The following PRSS23 variants were observed in gnomAD, a reference collection of about 807,000 sequenced individuals.
The protein encoded by PRSS23 is protease, serine 23.
PRSS23 carries 25 observed loss-of-function variants against 34.7 expected under a neutral mutation model. The ratio of observed to expected loss-of-function variants is 0.72; its 90% CI spans 0.53 to 1.01. The LOEUF is 1.01. Ranked by LOEUF, PRSS23 falls within the 50% of genes least tolerant of loss-of-function variation. The pLI is 0.00. For synonymous variants in PRSS23, 176 were observed against 186.6 expected, an observed-to-expected ratio of 0.94 and a Z score of 0.46; for missense variants, 445 against 475.6, an observed-to-expected ratio of 0.94 and a Z score of 0.60.
At chr11:86,914,747 A>C (rs1435733896) in intron 2 of PRSS23, among the ~76,000 whole-genome samples, 1 of 152,226 alleles carries the variant, frequency 6.6e-6, no homozygotes, top group African/African-American at 2.4e-5. Flanking sequence ...TCTGATTTGA[A>C]TGTGTTAAGT....
exon 3 of PRSS23, chr11:86,952,445 G>T: frequency 6.2e-7 from 1 of 1,613,508 alleles, no homozygotes; most frequent in South Asian, 1.1e-5. Context: ...TGTGCACATT[G>T]GCACATAAAC....
chr11:86,830,089 C>A (rs1307328307), intron 2 of PRSS23, among the ~76,000 whole-genome samples: 6 of 152,330 alleles, frequency 3.9e-5, no homozygotes, highest in Non-Finnish European at 1.5e-5. Flanking sequence ...GCCCTGCCCC[C>A]AGAGGTGGAG....
chr11:86,821,356 T>C, intron 1 of PRSS23: 1 of 856,132 alleles, frequency 1.2e-6, no homozygotes, highest in Non-Finnish European at 1.9e-6. Context: ...GGTATAGTGA[T>C]CCTAGTTTTG....
At position 86,873,372 on chromosome 11, in the gene PRSS23, A is replaced by C. The variant is rs374013949; in HGVS notation, c.206+49779A>C. ...CAGTGGTGCAATCTCAGCTCAATACAACTTCTGCCTCCCAGGTTCAAGTGA... is the reference window on the plus strand; with the variant it reads ...CAGTGGTGCAATCTCAGCTCAATACCACTTCTGCCTCCCAGGTTCAAGTGA... On this transcript the variant is annotated intron_variant, in intron 2 of 2. Transcript: ENST00000533902. 7.7e-4 allele frequency among the ~76,000 whole-genome samples: 117 copies of C among 151,506 alleles called. 3 individuals are homozygous for C. The highest frequency in any genetic ancestry group is 2.6e-3 in the African/African-American group (106 of 41,238).
intron 2 of PRSS23, among the ~76,000 whole-genome samples, chr11:86,879,609 G>A (rs562438959): frequency 3.3e-4 from 40 of 122,886 alleles, no homozygotes; most frequent in Admixed American, 1.6e-3. Flanking sequence ...GCCTCTGCCC[G>A]GCCGCCCCTA....
At chr11:86,882,514 C>T (rs1041649943) in intron 2 of PRSS23, among the ~76,000 whole-genome samples, 6 of 152,082 alleles carry the variant, frequency 3.9e-5, no homozygotes, top group Non-Finnish European at 8.8e-5. Context: ...CAGCTCCATC[C>T]ATGTCCCTAC....
intron 2 of PRSS23, among the ~76,000 whole-genome samples, chr11:86,888,302 C>T (rs969265360): frequency 6.6e-6 from 1 of 152,124 alleles, no homozygotes; most frequent in African/African-American, 2.4e-5. Flanking sequence ...GAAGAAAGAA[C>T]ACATGCTATT....
chr11:86,898,042 A>C (rs1485083292), intron 2 of PRSS23, among the ~76,000 whole-genome samples: 2 of 152,224 alleles, frequency 1.3e-5, no homozygotes, highest in Admixed American at 1.3e-4. Context: ...CATTCCCCAC[A>C]GATTACTTGA....
At chr11:86,826,568 G>T (rs1948302725) in intron 2 of PRSS23, among the ~76,000 whole-genome samples, 1 of 152,120 alleles carries the variant, frequency 6.6e-6, no homozygotes, top group Admixed American at 6.6e-5. Flanking sequence ...CCTGTCTTGT[G>T]CCAGTTTTCA....
rs185376332 is a variant in PRSS23, at chr11:86,827,617, T to C, written c.206+4024T>C. Among the ~76,000 whole-genome samples the C allele has an allele frequency of 9.0e-3, 1,378 of 152,320 alleles. 14 individuals carry two copies. Among genetic ancestry groups the C allele is most frequent in the African/African-American group, 0.032 (1,334 of 41,576 alleles). ...TCAATTTTGGATCTTTCCTGCTTTCTCTTGTGGGCATTTAGTGCTATAAAT... is the reference window on the plus strand; with the variant it reads ...TCAATTTTGGATCTTTCCTGCTTTCCCTTGTGGGCATTTAGTGCTATAAAT... On this transcript the variant is annotated intron_variant, in intron 2 of 2. Transcript: ENST00000533902.
At chr11:86,870,887 CA>C (rs1313819174) in intron 2 of PRSS23, among the ~76,000 whole-genome samples, 7 of 152,182 alleles carry the variant, frequency 4.6e-5, no homozygotes, top group Non-Finnish European at 1.0e-4. Flanking sequence ...TCCTAATCTG[CA>C]ATCATTCTGT....
rs34325935 is a variant in PRSS23, at chr11:86,947,201, TCAAACAAACAAACAAA to T, written c.207-3995_207-3980del. Reference sequence around the variant, plus strand: ...CTGGGTGACAGAGCAAGACCCTGTCTCAAACAAACAAACAAACAAACAAACAAACAAACAACAAAAA... The same window carrying T: ...CTGGGTGACAGAGCAAGACCCTGTCTCAAACAAACAAACAAACAACAAAAA... On this transcript the variant is annotated intron_variant, in intron 2 of 2. Transcript: ENST00000533902. The T allele has an allele frequency of 0.042, 6,909 of 165,418 alleles. 211 individuals carry two copies. The highest frequency in any genetic ancestry group is 0.059 in the Non-Finnish European group (4,579 of 77,470). The allele number at this position is 165,418 out of a possible 1,614,324, so 10.2% of individuals were successfully genotyped here.
chr11:86,908,726 C>T (rs868871), intron 2 of PRSS23, among the ~76,000 whole-genome samples: 76,201 of 151,708 alleles, frequency 0.5, 19,712 homozygotes, highest in East Asian at 0.59. Context: ...AAATATCAGA[C>T]GTGAAAGTGG....
intron 2 of PRSS23, among the ~76,000 whole-genome samples, chr11:86,850,605 C>T (rs1948521828): frequency 6.6e-6 from 1 of 152,186 alleles, no homozygotes; most frequent in East Asian, 1.9e-4. Context: ...AAGCTATAAA[C>T]AGCAAAAATT....
chr11:86,897,877 G>A (rs557331083), intron 2 of PRSS23, among the ~76,000 whole-genome samples: 6 of 152,302 alleles, frequency 3.9e-5, no homozygotes, highest in Non-Finnish European at 8.8e-5. Context: ...TGTTTAACCA[G>A]TATTTATTGA....
intron 1 of PRSS23, among the ~76,000 whole-genome samples, chr11:86,818,909 T>C (rs879849433): frequency 3.3e-5 from 5 of 152,232 alleles, no homozygotes; most frequent in Non-Finnish European, 7.3e-5. Flanking sequence ...TCTCTTTTTT[T>C]CTTTGTGCTG....
At chr11:86,895,058 G>A (rs1948865531) in intron 2 of PRSS23, among the ~76,000 whole-genome samples, 1 of 152,112 alleles carries the variant, frequency 6.6e-6, no homozygotes, top group African/African-American at 2.4e-5. Context: ...ATTACAGTGA[G>A]ACTTCAGATC....
At chr11:86,831,749 G>C (rs1236395271) in intron 2 of PRSS23, among the ~76,000 whole-genome samples, 1 of 151,694 alleles carries the variant, frequency 6.6e-6, no homozygotes, top group African/African-American at 2.4e-5. Context: ...ATGTCATAAT[G>C]CTTGTACACC....
At chr11:86,895,929 A>C (rs762010418) in intron 2 of PRSS23, among the ~76,000 whole-genome samples, 1 of 152,214 alleles carries the variant, frequency 6.6e-6, no homozygotes, top group African/African-American at 2.4e-5. Context: ...ATTTCAGTCA[A>C]ATTATCAGGA....
Sources: gnomAD v4.1 joint callset for allele counts (sites outside exome capture counted in the v4.1 genomes callset) on GRCh38, gnomAD v4.1.1 for gene constraint, MANE v1.5 for transcripts, NCBI Gene and HGNC (gene_info 2026-07-23, HGNC 2026-07-21) for gene names.